CFAP299: variants seen among roughly 807,000 people sequenced by gnomAD.
CFAP299 encodes cilia- and flagella-associated protein 299.
Under a neutral mutation model 27.0 loss-of-function variants are expected in CFAP299, and 21 were observed. That is an observed-to-expected ratio of 0.78 (90% confidence interval 0.55 to 1.12). CFAP299 has a LOEUF of 1.12. Among genes scored for constraint, CFAP299 ranks in the 50% most tolerant of loss-of-function variants. CFAP299 has a pLI of 0.00. For missense variants in CFAP299, 310 were observed against 276.6 expected (o/e 1.12, Z -0.86); for synonymous variants, 104 against 98.1 (o/e 1.06, Z -0.36).
intron 1 of CFAP299, among the ~76,000 whole-genome samples, chr4:80,340,524 C>T (rs1722392301): frequency 6.6e-6 from 1 of 152,134 alleles, no homozygotes. Flanking sequence ...TCTGCAGGCC[C>T]CACTTCCCTT....
At chr4:80,376,782 G>C (rs1221640917) in intron 2 of CFAP299, among the ~76,000 whole-genome samples, 2 of 152,112 alleles carry the variant, frequency 1.3e-5, no homozygotes, top group African/African-American at 2.4e-5. Flanking sequence ...AGCCTCCTGA[G>C]TAGCTGGAAT....
chr4:80,876,366 C>T (rs1364517633), intron 4 of CFAP299, among the ~76,000 whole-genome samples: 2 of 151,924 alleles, frequency 1.3e-5, no homozygotes, highest in Non-Finnish European at 2.9e-5. Flanking sequence ...TGAGTGAGTT[C>T]TCACAAGATC....
intron 2 of CFAP299, among the ~76,000 whole-genome samples, chr4:80,505,400 G>A (rs907247522): frequency 6.7e-6 from 1 of 148,562 alleles, no homozygotes; most frequent in African/African-American, 2.5e-5. Flanking sequence ...TATAGGAAAT[G>A]GTGTCTTATT....
At chr4:80,416,077 A>C (rs1335945364) in intron 2 of CFAP299, among the ~76,000 whole-genome samples, 1 of 152,188 alleles carries the variant, frequency 6.6e-6, no homozygotes, top group Non-Finnish European at 1.5e-5. Flanking sequence ...AGCCTTTTTG[A>C]AGAGCATCCT....
At chr4:80,605,383 A>C (rs1737602928) in intron 3 of CFAP299, among the ~76,000 whole-genome samples, 2 of 152,186 alleles carry the variant, frequency 1.3e-5, no homozygotes. Context: ...AAGTGTTTTC[A>C]TAATAATCAC....
intron 4 of CFAP299, among the ~76,000 whole-genome samples, chr4:80,888,028 T>C (rs1212134207): frequency 6.6e-6 from 1 of 151,018 alleles, no homozygotes; most frequent in African/African-American, 2.4e-5. Flanking sequence ...CAGAGAAAAA[T>C]CACCTTCACC....
upstream of CFAP299, chr4:80,335,663 A>T: frequency 1.3e-6 from 1 of 741,826 alleles, no homozygotes; most frequent in South Asian, 1.4e-5. Flanking sequence ...TTAACGTCCA[A>T]AGCTCACACC....
intron 2 of CFAP299, among the ~76,000 whole-genome samples, chr4:80,379,982 C>G (rs1185001632): frequency 6.6e-6 from 1 of 152,066 alleles, no homozygotes; most frequent in Non-Finnish European, 1.5e-5. Flanking sequence ...CTTATTCTAG[C>G]TATTACTTAG....
chr4:80,496,827 A>G (rs1731463495), intron 2 of CFAP299, among the ~76,000 whole-genome samples: 1 of 152,112 alleles, frequency 6.6e-6, no homozygotes. Context: ...GCTTCTGGGG[A>G]GGCCTCAGGA....
At chr4:80,844,067 T>C (rs1731023505) in intron 3 of CFAP299, among the ~76,000 whole-genome samples, 1 of 152,164 alleles carries the variant, frequency 6.6e-6, no homozygotes, top group South Asian at 2.1e-4. Flanking sequence ...TCCATGTCTC[T>C]ACAAAGGACG....
intron 2 of CFAP299, among the ~76,000 whole-genome samples, chr4:80,425,269 A>AT (rs560630913): frequency 8.0e-4 from 122 of 152,152 alleles, no homozygotes; most frequent in African/African-American, 2.7e-3. Context: ...TTCACATGGT[A>AT]TTTTTTTCTG....
At chr4:80,647,888 A>G (rs1740105696) in intron 3 of CFAP299, among the ~76,000 whole-genome samples, 1 of 152,208 alleles carries the variant, frequency 6.6e-6, no homozygotes, top group African/African-American at 2.4e-5. Context: ...AACATGGTGA[A>G]ACCCCATCTC....
chr4:80,629,864 G>T (rs1285128809), intron 3 of CFAP299, among the ~76,000 whole-genome samples: 1 of 133,138 alleles, frequency 7.5e-6, no homozygotes, highest in Non-Finnish European at 1.6e-5. Flanking sequence ...TGGAGACTCT[G>T]TATCTGGAAA....
At chr4:80,594,225 A>T (rs1304830230) in intron 3 of CFAP299, among the ~76,000 whole-genome samples, 1 of 152,208 alleles carries the variant, frequency 6.6e-6, no homozygotes, top group East Asian at 1.9e-4. Context: ...ACTCACAACC[A>T]TGACAGAAGT....
intron 4 of CFAP299, among the ~76,000 whole-genome samples, chr4:80,939,409 G>A (rs533954184): frequency 5.3e-5 from 8 of 152,008 alleles, no homozygotes; most frequent in African/African-American, 1.4e-4. Flanking sequence ...CAAATGATCT[G>A]TCTTTGAGTT....
chr4:80,324,360 T>A, the CFAP299 span, among the ~76,000 whole-genome samples: 1 of 152,220 alleles, frequency 6.6e-6, no homozygotes, highest in African/African-American at 2.4e-5. Context: ...AAAAGCACTC[T>A]GCAATCAATT....
intron 3 of CFAP299, among the ~76,000 whole-genome samples, chr4:80,689,852 A>T (rs1448145049): frequency 6.6e-6 from 1 of 152,210 alleles, no homozygotes; most frequent in South Asian, 2.1e-4. Flanking sequence ...AGGAAGGTCG[A>T]CCAAGCAAAT....
In CFAP299 at chr4:80,871,656, TA is replaced by T. The variant is rs551014365; in HGVS notation, c.476+1526del. 528 of 977,136 alleles carry T rather than the reference TA, an allele frequency of 5.4e-4. 2 individuals carry two copies. Among genetic ancestry groups the T allele is most frequent in the Middle Eastern group, 4.2e-3 (8 of 1,894 alleles). The allele number at this position is 977,136 out of a possible 1,614,324, so 60.5% of individuals were successfully genotyped here. ...ACCACCTTTATAACTAATAATTTATTAAAAACACTGAATTCTATTATCTTAG... is the reference window on the plus strand; with the variant it reads ...ACCACCTTTATAACTAATAATTTATTAAAACACTGAATTCTATTATCTTAG... On this transcript the variant is annotated intron_variant, in intron 4 of 5. Transcript: ENST00000358105.
At chr4:80,724,114 G>T (rs988727859) in intron 3 of CFAP299, among the ~76,000 whole-genome samples, 1 of 152,010 alleles carries the variant, frequency 6.6e-6, no homozygotes, top group Admixed American at 6.5e-5. Flanking sequence ...AGTTAGAAAT[G>T]TCACTAAAAT....
Sources: gnomAD v4.1 joint callset for allele counts (sites outside exome capture counted in the v4.1 genomes callset) on GRCh38, gnomAD v4.1.1 for gene constraint, MANE v1.5 for transcripts, NCBI Gene and HGNC (gene_info 2026-07-23, HGNC 2026-07-21) for gene names.